TG: variants seen among roughly 807,000 people sequenced by gnomAD.
TG encodes the protein thyroid hormones.
In TG, 270 loss-of-function variants were observed where a neutral mutation model predicts 324.7. That is an observed-to-expected ratio of 0.83 (90% confidence interval 0.75 to 0.92). TG has a LOEUF of 0.92. Among genes scored for constraint, TG ranks in the 40% least tolerant of loss-of-function variants. The pLI is 0.00. For synonymous variants in TG, 1,401 were observed against 1,327.0 expected, an observed-to-expected ratio of 1.06 and a Z score of -1.21; for missense variants, 3,591 against 3,456.4, an observed-to-expected ratio of 1.04 and a Z score of -0.98.
chr8:133,045,014 A>ACCTT, intron 41 of TG: 1 of 1,614,100 alleles, frequency 6.2e-7, no homozygotes, highest in Non-Finnish European at 8.5e-7. Context: ...TCCTCCAGGC[A>ACCTT]CTGGAAGGTG....
chr8:132,877,466 A>T (rs926649155), intron 5 of TG, among the ~76,000 whole-genome samples: 18 of 152,180 alleles, frequency 1.2e-4, no homozygotes, highest in African/African-American at 4.3e-4. Flanking sequence ...CACCCTCCCT[A>T]GTGCAGGACA....
intron 39 of TG, 68 bp from the exon 40 acceptor site, chr8:133,021,923 A>C: frequency 6.2e-7 from 1 of 1,602,718 alleles, no homozygotes. Flanking sequence ...TCAACCAAGA[A>C]TCAGGCTCCA....
At chr8:133,113,995 T>A (rs989635426) in intron 44 of TG, among the ~76,000 whole-genome samples, 4 of 152,186 alleles carry the variant, frequency 2.6e-5, no homozygotes, top group African/African-American at 9.6e-5. Flanking sequence ...CTGAGCCCAG[T>A]GCCCCCAGTC....
At chr8:133,128,927 G>A (rs573431758) in intron 45 of TG, among the ~76,000 whole-genome samples, 3 of 152,234 alleles carry the variant, frequency 2.0e-5, no homozygotes, top group African/African-American at 7.2e-5. Flanking sequence ...CCAAGTCTGC[G>A]AGCACCAGGG....
intron 25 of TG, among the ~76,000 whole-genome samples, chr8:132,941,012 G>T (rs1048975775): frequency 1.3e-5 from 2 of 152,232 alleles, no homozygotes; most frequent in East Asian, 1.9e-4. Flanking sequence ...GTGGCACAGG[G>T]TCTGTGTATA....
At chr8:132,993,738 A>G (rs1304225009) in intron 35 of TG, among the ~76,000 whole-genome samples, 1 of 152,072 alleles carries the variant, frequency 6.6e-6, no homozygotes, top group African/African-American at 2.4e-5. Context: ...AAATATATGG[A>G]TTTTCTACAG....
At chr8:133,130,373 A>G (rs1194663000) in intron 45 of TG, among the ~76,000 whole-genome samples, 1 of 152,232 alleles carries the variant, frequency 6.6e-6, no homozygotes, top group African/African-American at 2.4e-5. Flanking sequence ...AGAACTTTGC[A>G]GGTGTGACTA....
intron 35 of TG, among the ~76,000 whole-genome samples, chr8:132,998,695 T>C (rs912669440): frequency 6.6e-5 from 10 of 152,170 alleles, no homozygotes. Flanking sequence ...GTGAATGTGC[T>C]GGAGAGAAAG....
intron 41 of TG, chr8:133,059,207 G>A: frequency 6.7e-6 from 3 of 449,682 alleles, no homozygotes; most frequent in South Asian, 1.6e-5. Flanking sequence ...GAGGAAATGG[G>A]ACACCAGGCC....
rs1315020277 is a variant in TG at position 133,094,693 on chromosome 8, C to A, written c.7240-351C>A. 10 of 374,192 alleles carry A rather than the reference C, an allele frequency of 2.7e-5. No homozygotes were observed. In the East Asian group the frequency reaches 6.5e-4, roughly 24 times the overall value. The allele number at this position is 374,192 out of a possible 1,614,324, so 23.2% of individuals were successfully genotyped here. On this transcript the variant is annotated intron_variant, in intron 41 of 47. Transcript: ENST00000220616. The stretch of plus-strand genomic sequence containing the variant: ...GAGATGGTTCTATCTTTGCAGAGTT[C>A]TCTTCCCAGAGGACTTTGCCACAAT...
intron 41 of TG, among the ~76,000 whole-genome samples, chr8:133,057,480 C>A (rs531443438): frequency 2.0e-5 from 3 of 152,264 alleles, no homozygotes; most frequent in African/African-American, 7.2e-5. Flanking sequence ...AGTCAGGTAA[C>A]CCCAAACAGA....
intron 35 of TG, chr8:132,995,408 C>G: frequency 1.0e-6 from 1 of 985,306 alleles, no homozygotes; most frequent in Non-Finnish European, 1.2e-6. Context: ...AGGAGTCTGT[C>G]TGTGTTCAAG....
chr8:132,929,042 T>G (rs769496339), intron 22 of TG, 34 bp from the exon 23 acceptor site: 1 of 1,583,198 alleles, frequency 6.3e-7, no homozygotes. Flanking sequence ...TACACCCTTC[T>G]GAGTCAGATT....
intron 35 of TG, chr8:133,003,054 T>A: frequency 9.4e-7 from 1 of 1,066,790 alleles, no homozygotes; most frequent in East Asian, 7.7e-5. Context: ...GTACCTCTCC[T>A]CTTTCCCTTT....
chr8:133,120,227 C>G (rs1285380126), intron 45 of TG, among the ~76,000 whole-genome samples: 1 of 152,180 alleles, frequency 6.6e-6, no homozygotes, highest in Admixed American at 6.5e-5. Context: ...AAAAGCCTTA[C>G]AAATATGCAC....
intron 34 of TG, 64 bp downstream of exon 34, chr8:132,972,805 T>G: frequency 6.3e-7 from 1 of 1,597,806 alleles, no homozygotes; most frequent in South Asian, 1.1e-5. Flanking sequence ...AGCCATGCAT[T>G]AGGACAATAT....
intron 27 of TG, 86 bp from the exon 28 acceptor site, chr8:132,960,922 T>C: frequency 7.5e-7 from 1 of 1,325,664 alleles, no homozygotes; most frequent in Non-Finnish European, 1.1e-6. Flanking sequence ...AGAGCCTGTG[T>C]CAAGGGAGAT....
intron 1 of TG, among the ~76,000 whole-genome samples, chr8:132,867,352 G>T (rs1839031286): frequency 6.6e-6 from 1 of 152,038 alleles, no homozygotes; most frequent in African/African-American, 2.4e-5. Context: ...CAAACTTTTG[G>T]CATTGACCTT....
chr8:133,081,762 G>C (rs1413554360), intron 41 of TG, among the ~76,000 whole-genome samples: 2 of 152,180 alleles, frequency 1.3e-5, no homozygotes, highest in African/African-American at 4.8e-5. Flanking sequence ...GAAGAGGTCA[G>C]CAGTGTTCCC....
Sources: gnomAD v4.1 joint callset for allele counts (sites outside exome capture counted in the v4.1 genomes callset) on GRCh38, gnomAD v4.1.1 for gene constraint, MANE v1.5 for transcripts, NCBI Gene and HGNC (gene_info 2026-07-23, HGNC 2026-07-21) for gene names.